The following DNAH12 variants were observed in gnomAD, a reference collection of about 807,000 sequenced individuals.
DNAH12 encodes axonemal beta dynein heavy chain 12.
Under a neutral mutation model 371.5 loss-of-function variants are expected in DNAH12, and 285 were observed. That is an observed-to-expected ratio of 0.77 (90% CI 0.70 to 0.85). The LOEUF is 0.85. DNAH12 is among the 40% of genes least tolerant of loss of function. The probability of loss-of-function intolerance (pLI) is 0.00; values close to 1 mark genes in which losing one functional copy is unlikely to be tolerated. For missense variants in DNAH12, 3,611 were observed against 3,689.4 expected, an observed-to-expected ratio of 0.98 and a Z score of 0.55; for synonymous variants, 1,200 against 1,213.0, an observed-to-expected ratio of 0.99 and a Z score of 0.22.
At chr3:57,545,980 A>C (rs1373227203), upstream of DNAH12, among the ~76,000 whole-genome samples, 1 of 152,050 alleles carries the variant, frequency 6.6e-6, no homozygotes, top group African/African-American at 2.4e-5. Context: ...CTTTATTTGG[A>C]TTGTAAGTCC....
At chr3:57,396,024 A>C (rs2063729912) in intron 43 of DNAH12, among the ~76,000 whole-genome samples, 1 of 151,992 alleles carries the variant, frequency 6.6e-6, no homozygotes, top group African/African-American at 2.4e-5. Context: ...CAGGCCTGTA[A>C]TCCCAGCAGT....
At chr3:57,396,543 G>C (rs2063745816) in intron 43 of DNAH12, among the ~76,000 whole-genome samples, 1 of 151,524 alleles carries the variant, frequency 6.6e-6, no homozygotes, top group Non-Finnish European at 1.5e-5. Context: ...GATTACAGGT[G>C]CTTTCCACTA....
At chr3:57,298,298 T>C (rs944536428) in intron 70 of DNAH12, among the ~76,000 whole-genome samples, 1 of 152,148 alleles carries the variant, frequency 6.6e-6, no homozygotes, top group South Asian at 2.1e-4. Flanking sequence ...ATGCAGAAAC[T>C]CTTGCTGGGA....
intron 2 of DNAH12, among the ~76,000 whole-genome samples, chr3:57,537,919 A>G (rs113470829): frequency 0.13 from 19,931 of 152,124 alleles, 1,430 homozygotes; most frequent in South Asian, 0.21. Context: ...TCCTGACCTC[A>G]TGATCCGCCC....
chr3:57,549,561 T>C, the DNAH12 span, among the ~76,000 whole-genome samples: 4 of 151,816 alleles, frequency 2.6e-5, no homozygotes, highest in Admixed American at 6.6e-5. Flanking sequence ...ACACAATCTG[T>C]TTCTCTCTCT....
At chr3:57,329,760 TC>T (rs1289126908) in intron 62 of DNAH12, among the ~76,000 whole-genome samples, 6 of 151,504 alleles carry the variant, frequency 4.0e-5, no homozygotes, top group African/African-American at 9.7e-5. Flanking sequence ...GAAACTACCA[TC>T]AGAGTGAACA....
At chr3:57,411,659 T>C (rs1020820175) in intron 39 of DNAH12, among the ~76,000 whole-genome samples, 4 of 150,864 alleles carry the variant, frequency 2.7e-5, no homozygotes, top group Non-Finnish European at 5.9e-5. Flanking sequence ...TGAGGAAAAC[T>C]GTAAAACCCT....
intron 16 of DNAH12, 40 bp downstream of exon 16, chr3:57,470,403 C>T (rs1430003665): frequency 2.1e-6 from 3 of 1,458,408 alleles, no homozygotes; most frequent in East Asian, 2.5e-5. Context: ...AAATTATTTT[C>T]TATCATTTGC....
At chr3:57,507,869 A>C (rs1279929510) in intron 7 of DNAH12, 31 bp from the exon 8 acceptor site, 1 of 1,534,504 alleles carries the variant, frequency 6.5e-7, no homozygotes, top group African/African-American at 1.4e-5. Flanking sequence ...TGTGATTTGA[A>C]GCAAATGATA....
chr3:57,444,984 C>T (rs2065436219), intron 28 of DNAH12, among the ~76,000 whole-genome samples, 168 bp from the exon 29 acceptor site: 1 of 146,804 alleles, frequency 6.8e-6, no homozygotes, highest in East Asian at 2.0e-4. Flanking sequence ...CAATACTATG[C>T]TTATCAAACT....
rs367551060 is a variant in DNAH12, at chr3:57,448,992, TAC to T, written c.3787-2305_3787-2304del. Among the ~76,000 whole-genome samples the T allele has an allele frequency of 2.9e-4, 35 of 121,048 alleles. 4 individuals are homozygous for T. In the East Asian group the frequency reaches 8.7e-3, roughly 30 times the overall value. The allele number at this position is 121,048 out of a possible 152,430, so 79.4% of individuals were successfully genotyped here. On this transcript the variant is annotated intron_variant, in intron 25 of 73. Transcript: ENST00000495027. The stretch of plus-strand genomic sequence containing the variant: ...CCAAGGCCCCACCAGAGCAGCTAGA[TAC>T]AGAGTGTTGATTGGTGCACTCACAA...
chr3:57,436,623 G>A (rs777707130), intron 30 of DNAH12, among the ~76,000 whole-genome samples: 2 of 152,168 alleles, frequency 1.3e-5, no homozygotes, highest in Non-Finnish European at 2.9e-5. Flanking sequence ...ACCATGCATC[G>A]TCACCTAGGG....
rs1011332667 is a variant in DNAH12 at position 57,380,290 on chromosome 3, C to T, written c.8070G>A (p.Lys2690=). 3.9e-5 allele frequency: 6 copies of T among 152,042 alleles called. No individual in the cohort carries two copies. Among genetic ancestry groups the T allele is most frequent in the South Asian group, 2.1e-4 (1 of 4,824 alleles). The allele number at this position is 152,042 out of a possible 1,614,324, so 9.4% of individuals were successfully genotyped here. The change falls in exon 51 of 74, where the codon AAG becomes AAA. Residue 2690 remains lysine, a synonymous_variant. Coordinates refer to ENST00000495027, the MANE Select transcript of DNAH12 (RefSeq NM_001366028.2). ...CAATGCAACTCACTGGAATGTTGTCCTTGTCATATTCTTTCAAATCTCTTA... is the reference window on the plus strand; with the variant it reads ...CAATGCAACTCACTGGAATGTTGTCTTTGTCATATTCTTTCAAATCTCTTA... The part of the protein sequence containing the change: ...NFLRDLKEYD[K]DNIPVTVMQK...
chr3:57,446,548 C>T lies in DNAH12; in HGVS notation c.3928G>A (p.Ala1310Thr). ...AGCAATTTAACTACCTTTCCCATTGCTAGATAATCTAGCCCATCAGAACAG... is the reference window on the plus strand; with the variant it reads ...AGCAATTTAACTACCTTTCCCATTGTTAGATAATCTAGCCCATCAGAACAG... ...FNCSDGLDYL[A>T]MGKFFKGLAS... Residue 1310 changes from alanine to threonine, a missense_variant, in exon 26 of 74, where the codon GCA (alanine) becomes ACA (threonine). Ala to Thr is a moderately conservative substitution (Grantham distance 58). Around this residue, in one of 3 missense-constraint regions of DNAH12, gnomAD observed 2,266 missense variants for 2,236.9 expected, o/e 1.01. Transcript: ENST00000495027. 2 of 1,527,086 alleles carry T rather than the reference C, an allele frequency of 1.3e-6. No homozygotes were observed. Among genetic ancestry groups the T allele is most frequent in the East Asian group, 4.9e-5 (2 of 40,576 alleles). 94.6% of individuals were successfully genotyped at this position (1,527,086 alleles called of 1,614,324 possible). A position where few individuals can be genotyped will look rare whatever the true frequency, so the allele number is the denominator to read the frequency against.
chr3:57,375,125 G>A (rs1175717895), intron 55 of DNAH12, among the ~76,000 whole-genome samples: 1 of 152,126 alleles, frequency 6.6e-6, no homozygotes, highest in Non-Finnish European at 1.5e-5. Context: ...GCATGCTGAA[G>A]TACCTGGAAG....
In DNAH12 at chr3:57,361,845, CAAT is replaced by C. The variant is rs1288442333; in HGVS notation, c.9360+1746_9360+1748del. ...ATCCAATAATAATAACTTACCTGTT[CAAT>C]AATAATACCTTTCCAATATTTTTTT... On this transcript the variant is annotated intron_variant, in intron 58 of 73. Transcript: ENST00000495027. Among the ~76,000 whole-genome samples the C allele has an allele frequency of 8.2e-4, 125 of 152,098 alleles. 4 individuals carry two copies. In the East Asian group the frequency reaches 0.02, roughly 24 times the overall value.
chr3:57,494,628 G>A (rs572476554), intron 11 of DNAH12, among the ~76,000 whole-genome samples: 1 of 152,222 alleles, frequency 6.6e-6, no homozygotes, highest in East Asian at 1.9e-4. Context: ...ACTAGCCAGT[G>A]AAATTAGGCA....
intron 43 of DNAH12, among the ~76,000 whole-genome samples, chr3:57,401,011 A>G (rs1477591455): frequency 2.6e-5 from 4 of 152,224 alleles, no homozygotes; most frequent in Admixed American, 2.0e-4. Context: ...CATAGAAAGT[A>G]TCTTTCCTGA....
chr3:57,446,213 T>C lies in DNAH12; in HGVS notation c.3997A>G (p.Ile1333Val). Residue 1333 changes from isoleucine (I) to valine (V), a missense_variant, in exon 27 of 74, where the codon ATT (isoleucine) becomes GTT (valine). By Grantham distance (29) the Ile-to-Val change is conservative (BLOSUM62 3). Coordinates refer to ENST00000495027, the MANE Select transcript of DNAH12 (RefSeq NM_001366028.2). Reference protein sequence around the residue: ...AWACFDEFNRIELEVLSVVAQ... With the variant: ...AWACFDEFNRVELEVLSVVAQ... ...ACCACTGACAACACTTCCAACTCAA[T>C]TCGATTGAATTCATCAAAGCAAGCC... The C allele has an allele frequency of 6.4e-7, 1 of 1,551,824 alleles. No individual in the cohort carries two copies. The highest frequency in any genetic ancestry group is 8.7e-7 in the Non-Finnish European group (1 of 1,147,032).
Sources: allele counts gnomAD v4.1 joint callset (sites outside exome capture counted in the v4.1 genomes callset), GRCh38; gene constraint gnomAD v4.1.1; regional missense constraint gnomAD v4.1.1; transcripts MANE v1.5; gene names NCBI Gene and HGNC (gene_info 2026-07-23, HGNC 2026-07-21).